Variants in APOOL observed in about 807,000 individuals in gnomAD.
APOOL encodes MICOS complex subunit MIC27.
Under a neutral mutation model 23.1 loss-of-function variants are expected in APOOL, and 12 were observed. The ratio of observed to expected loss-of-function variants is 0.52; its 90% CI spans 0.33 to 0.84. The LOEUF (loss-of-function observed/expected upper bound fraction) is 0.84. APOOL is among the 40% of genes least tolerant of loss of function. APOOL has a pLI of 0.02. For synonymous variants in APOOL, 77 were observed against 69.9 expected (o/e 1.10, Z -0.51); for missense variants, 212 against 199.6 (o/e 1.06, Z -0.37).
chrX:85,047,378 G>T (rs1158743255), intron 2 of APOOL, among the ~76,000 whole-genome samples: 2 of 111,472 alleles, frequency 1.8e-5, no homozygotes, highest in East Asian at 5.7e-4. Flanking sequence ...GGTTTTTGGT[G>T]CCATGACTTG....
chrX:85,092,056 T>G lies in APOOL; in HGVS notation c.*4378T>G. 1 of 157,536 alleles carries G rather than the reference T, an allele frequency of 6.3e-6. No individual in the cohort carries two copies. The highest frequency in any genetic ancestry group is 1.4e-4 in the East Asian group (1 of 7,116). The allele number at this position is 157,536 out of a possible 1,213,427, so 13.0% of individuals were successfully genotyped here. A position where few individuals can be genotyped will look rare whatever the true frequency, so the allele number is the denominator to read the frequency against. ...AACAAAAAATGCTGCCAGTTGATCATTACATTTATCCCGACATCAGATATG... is the reference window on the plus strand; with the variant it reads ...AACAAAAAATGCTGCCAGTTGATCAGTACATTTATCCCGACATCAGATATG... On this transcript the variant is annotated 3_prime_UTR_variant, in exon 9 of 9. Coordinates refer to ENST00000373173, the MANE Select transcript of APOOL (RefSeq NM_198450.6).
chrX:85,009,638 T>C (rs568031003), intron 1 of APOOL, among the ~76,000 whole-genome samples: 1 of 111,257 alleles, frequency 9.0e-6, no homozygotes, highest in African/African-American at 3.3e-5. Context: ...TTTATTTACT[T>C]TTTTTTTCAA....
chrX:85,090,780 T>C lies in APOOL; in HGVS notation c.*3102T>C, dbSNP rs1250240109. 2.7e-5 allele frequency: 3 copies of C among 111,993 alleles called. No homozygotes were observed. Among genetic ancestry groups the C allele is most frequent in the Admixed American group, 9.5e-5 (1 of 10,513 alleles). 9.2% of individuals were successfully genotyped at this position (111,993 alleles called of 1,213,427 possible). On this transcript the variant is annotated 3_prime_UTR_variant, in exon 9 of 9. Coordinates refer to ENST00000373173, the MANE Select transcript of APOOL (RefSeq NM_198450.6). Reference sequence around the variant, plus strand: ...TCCTACAAGTCCAATTCCAGTGTCATGTTCCCTTTCTCAATCCTCCAGGGT... The same window carrying C: ...TCCTACAAGTCCAATTCCAGTGTCACGTTCCCTTTCTCAATCCTCCAGGGT...
At chrX:85,067,982 C>T (rs113152930) in intron 6 of APOOL, among the ~76,000 whole-genome samples, 360 of 110,825 alleles carry the variant, frequency 3.2e-3, no homozygotes, top group African/African-American at 0.011. Flanking sequence ...ATCCCTTTAA[C>T]TATTGATATA....
At chrX:85,058,026 T>C (rs1371531027) in intron 5 of APOOL, among the ~76,000 whole-genome samples, 1 of 111,245 alleles carries the variant, frequency 9.0e-6, no homozygotes, top group African/African-American at 3.3e-5. Flanking sequence ...TAGTAGGTAG[T>C]GACATAAATA....
chrX:85,032,961 A>G (rs890778719), intron 1 of APOOL, among the ~76,000 whole-genome samples: 1 of 111,940 alleles, frequency 8.9e-6, no homozygotes, highest in Non-Finnish European at 1.9e-5. Flanking sequence ...AACTTTGCCA[A>G]TTGTAATATG....
intron 4 of APOOL, 22 bp downstream of exon 4, chrX:85,054,420 A>T: frequency 8.8e-7 from 1 of 1,136,778 alleles, no homozygotes; most frequent in Admixed American, 2.6e-5. Flanking sequence ...GATAATTAGA[A>T]ATGTTTTATT....
At chrX:85,021,875 A>C (rs953109812) in intron 1 of APOOL, among the ~76,000 whole-genome samples, 5 of 112,340 alleles carry the variant, frequency 4.5e-5, no homozygotes, top group African/African-American at 1.6e-4. Flanking sequence ...AGTTCTAAAA[A>C]AGAGAGAAGA....
intron 5 of APOOL, among the ~76,000 whole-genome samples, chrX:85,063,083 C>T (rs762325082): frequency 1.7e-4 from 19 of 110,922 alleles, no homozygotes; most frequent in Non-Finnish European, 2.1e-4. Flanking sequence ...CGTAACTTCC[C>T]GTTAGCTGTA....
intron 8 of APOOL, chrX:85,081,455 TC>T (rs1924095951): frequency 8.9e-6 from 1 of 112,260 alleles, no homozygotes; most frequent in African/African-American, 3.3e-5. Flanking sequence ...TGCTGAGAAA[TC>T]CGCTGTTAGT....
intron 8 of APOOL, among the ~76,000 whole-genome samples, chrX:85,085,149 C>A (rs1180705540): frequency 1.8e-5 from 2 of 111,770 alleles, no homozygotes; most frequent in Non-Finnish European, 3.8e-5. Flanking sequence ...GGTCTAATAA[C>A]TTTTAATTTT....
intron 3 of APOOL, among the ~76,000 whole-genome samples, chrX:85,052,242 A>G (rs1368081753): frequency 1.8e-5 from 2 of 111,931 alleles, no homozygotes; most frequent in Admixed American, 1.9e-4. Flanking sequence ...AGTGTTATTT[A>G]CTTGTTGGCG....
chrX:85,037,082 A>G (rs1222375561), intron 1 of APOOL, among the ~76,000 whole-genome samples: 9 of 112,002 alleles, frequency 8.0e-5, no homozygotes, highest in African/African-American at 2.9e-4. Context: ...TATGGTGTAT[A>G]TATCACACAT....
intron 8 of APOOL, among the ~76,000 whole-genome samples, chrX:85,076,555 G>A (rs971387639): frequency 2.7e-5 from 3 of 110,686 alleles, no homozygotes; most frequent in African/African-American, 9.9e-5. Context: ...TGTAATGCCA[G>A]GGACATACTA....
chrX:85,064,255 TTC>T (rs750940725), intron 5 of APOOL, among the ~76,000 whole-genome samples: 39 of 110,866 alleles, frequency 3.5e-4, no homozygotes, highest in Non-Finnish European at 6.8e-4. Context: ...TATTTGAATC[TTC>T]TCTCTTTTTT....
intron 8 of APOOL, among the ~76,000 whole-genome samples, 163 bp from the exon 9 acceptor site, chrX:85,087,427 A>G (rs1325060884): frequency 9.0e-6 from 1 of 110,969 alleles, no homozygotes; most frequent in African/African-American, 3.3e-5. Context: ...GCACTTAACC[A>G]CCATCTGATA....
intron 4 of APOOL, among the ~76,000 whole-genome samples, chrX:85,055,096 A>G (rs1181395929): frequency 8.9e-6 from 1 of 111,925 alleles, no homozygotes; most frequent in African/African-American, 3.2e-5. Context: ...GAATGTTTCC[A>G]TGAAGTTGAT....
intron 5 of APOOL, among the ~76,000 whole-genome samples, chrX:85,062,828 G>T (rs1203762430): frequency 9.0e-6 from 1 of 111,236 alleles, no homozygotes; most frequent in Non-Finnish European, 1.9e-5. Flanking sequence ...TTTGCTTAGG[G>T]TTGTCCTGGC....
At chrX:85,035,649 G>C (rs1922193135) in intron 1 of APOOL, among the ~76,000 whole-genome samples, 1 of 111,342 alleles carries the variant, frequency 9.0e-6, no homozygotes, top group African/African-American at 3.3e-5. Context: ...CAGAAGTTTA[G>C]TTTTAATCTT....
Sources: gnomAD v4.1 joint callset for allele counts (sites outside exome capture counted in the v4.1 genomes callset) on GRCh38, gnomAD v4.1.1 for gene constraint, MANE v1.5 for transcripts, NCBI Gene and HGNC (gene_info 2026-07-23, HGNC 2026-07-21) for gene names.